TEKT5: variants seen among roughly 807,000 people sequenced by gnomAD.
TEKT5 encodes the protein tektin 5.
In TEKT5, 52 loss-of-function variants were observed where a neutral mutation model predicts 48.7. The observed-to-expected ratio is 1.07, with a 90% confidence interval of 0.86 to 1.35. The LOEUF (loss-of-function observed/expected upper bound fraction) is 1.35. Among genes scored for constraint, TEKT5 ranks in the 40% most tolerant of loss-of-function variants. The pLI, the probability that TEKT5 is intolerant of heterozygous loss-of-function variation, is 0.00. For synonymous variants in TEKT5, 318 were observed against 267.6 expected (o/e 1.19, Z -1.84); for missense variants, 831 against 641.6 (o/e 1.30, Z -3.19).
intron 4 of TEKT5, 152 bp downstream of exon 4, chr16:10,681,841 G>A: frequency 9.4e-7 from 1 of 1,067,182 alleles, no homozygotes; most frequent in East Asian, 2.4e-5. Context: ...ACCCGACTTG[G>A]ATTCTGCCGC....
chr16:10,668,247 T>C (rs763061154), intron 5 of TEKT5, among the ~76,000 whole-genome samples: 2 of 152,314 alleles, frequency 1.3e-5, no homozygotes, highest in South Asian at 4.1e-4. Flanking sequence ...TGAGGCCTGA[T>C]GCCTTTGTTA....
At chr16:10,658,167 G>A (rs149583534) in intron 5 of TEKT5, among the ~76,000 whole-genome samples, 1 of 152,152 alleles carries the variant, frequency 6.6e-6, no homozygotes, top group African/African-American at 2.4e-5. Context: ...ATATGCGGCT[G>A]GTGGAAGTCA....
intron 5 of TEKT5, among the ~76,000 whole-genome samples, chr16:10,664,373 A>C (rs148386114): frequency 6.6e-6 from 1 of 152,212 alleles, no homozygotes; most frequent in Non-Finnish European, 1.5e-5. Flanking sequence ...GCTAGACCCC[A>C]CTGGCAGACT....
At chr16:10,641,300 G>C (rs1897991872) in intron 5 of TEKT5, among the ~76,000 whole-genome samples, 1 of 152,094 alleles carries the variant, frequency 6.6e-6, no homozygotes, top group Non-Finnish European at 1.5e-5. Context: ...GGGCCTGAGG[G>C]GTGAGCATCA....
At chr16:10,657,723 G>A (rs1898286142) in intron 5 of TEKT5, among the ~76,000 whole-genome samples, 1 of 151,166 alleles carries the variant, frequency 6.6e-6, no homozygotes, top group Non-Finnish European at 1.5e-5. Flanking sequence ...CTGAGTAGCT[G>A]GGACTACAGG....
chr16:10,636,304 G>A (rs952368316), intron 5 of TEKT5, among the ~76,000 whole-genome samples: 2 of 152,084 alleles, frequency 1.3e-5, no homozygotes, highest in Admixed American at 6.6e-5. Context: ...GAACCCGGGA[G>A]GCGGAGGTTG....
chr16:10,673,344 G>C (rs941985730), intron 5 of TEKT5, among the ~76,000 whole-genome samples: 1 of 152,254 alleles, frequency 6.6e-6, no homozygotes, highest in African/African-American at 2.4e-5. Context: ...TTTTTGTACA[G>C]ATTGTCCACG....
chr16:10,652,862 CACACACA>C (rs1898190885), intron 5 of TEKT5, among the ~76,000 whole-genome samples: 1 of 149,050 alleles, frequency 6.7e-6, no homozygotes, highest in Non-Finnish European at 1.5e-5. Flanking sequence ...CACACACACA[CACACACA>C]CCCTCCAGGT....
rs755511541 is a variant in TEKT5, at chr16:10,694,837, A to G, written c.37T>C (p.Cys13Arg). The change falls in exon 1 of 7, where the codon TGT (cysteine) becomes CGT (arginine). Residue 13 changes from cysteine to arginine, a missense_variant. Physicochemically the swap from Cys to Arg is radical, Grantham distance 180. Transcript: ENST00000283025. ...AAGCCACAGCATTTCTTGGGACCAC[A>G]GTAACTGGCGGTCTGAGTAGTCCCA... is the stretch of plus-strand genomic sequence containing the variant. ...FLGTTQTASY[C>R]GPKKCCGLTS... 9.4e-6 allele frequency: 15 copies of G among 1,595,972 alleles called. No individual in the cohort carries two copies. The highest frequency in any genetic ancestry group is 2.7e-5 in the African/African-American group (2 of 74,552).
intron 4 of TEKT5, among the ~76,000 whole-genome samples, chr16:10,676,944 G>C (rs1898657070): frequency 1.5e-5 from 2 of 131,938 alleles, no homozygotes; most frequent in African/African-American, 3.0e-5. Flanking sequence ...AGCACACTGG[G>C]AGGCCAAGGC....
chr16:10,656,297 G>T (rs1325835882), intron 5 of TEKT5, among the ~76,000 whole-genome samples: 1 of 152,128 alleles, frequency 6.6e-6, no homozygotes, highest in East Asian at 1.9e-4. Context: ...CATCACCTAG[G>T]CTGGAATGCA....
rs750759691 is a variant in TEKT5 at position 10,635,946 on chromosome 16, C to T, written c.1087-28G>A. 4 of 1,609,942 alleles carry T rather than the reference C, an allele frequency of 2.5e-6. No individual in the cohort carries two copies. The South Asian group carries it at 4.4e-5, about 18-fold the overall frequency. The stretch of plus-strand genomic sequence containing the variant: ...GCGAGGGAACACACAGGTGTCACCA[C>T]CCACCAGGCCCTTCTGACCTCCTCT... On this transcript the variant is annotated intron_variant, in intron 5 of 6. Coordinates refer to ENST00000283025, the MANE Select transcript of TEKT5 (RefSeq NM_144674.2).
At chr16:10,638,528 A>G (rs1452800178) in intron 5 of TEKT5, among the ~76,000 whole-genome samples, 4 of 152,234 alleles carry the variant, frequency 2.6e-5, no homozygotes, top group African/African-American at 7.2e-5. Context: ...ATGGCCTTCA[A>G]TGATCAGAAG....
At chr16:10,652,640 ACC>A (rs1555465687) in intron 5 of TEKT5, among the ~76,000 whole-genome samples, 1 of 37,878 alleles carries the variant, frequency 2.6e-5, no homozygotes, top group Admixed American at 2.8e-4. Flanking sequence ...ACACACACAC[ACC>A]CTCCAGGCCA....
At chr16:10,668,983 C>T (rs1898507931) in intron 5 of TEKT5, among the ~76,000 whole-genome samples, 1 of 152,188 alleles carries the variant, frequency 6.6e-6, no homozygotes, top group South Asian at 2.1e-4. Context: ...CCTGTAGAAA[C>T]ATGAGCTCTG....
intron 5 of TEKT5, among the ~76,000 whole-genome samples, chr16:10,660,540 G>A (rs1230490839): frequency 1.3e-5 from 2 of 152,026 alleles, no homozygotes; most frequent in Non-Finnish European, 2.9e-5. Flanking sequence ...TCCTCATCCG[G>A]GAGACAGAGA....
chr16:10,655,157 C>G lies in TEKT5; in HGVS notation c.1087-19239G>C, dbSNP rs558400642. Among the ~76,000 whole-genome samples the G allele has an allele frequency of 9.9e-5, 15 of 152,260 alleles. No individual in the cohort carries two copies. In the South Asian group the frequency reaches 2.9e-3, roughly 29 times the overall value. ...GAGGACTACATTTATCCTTCAAGAACTGTTGTCTCTTTTACATACACACAC... is the reference window on the plus strand; with the variant it reads ...GAGGACTACATTTATCCTTCAAGAAGTGTTGTCTCTTTTACATACACACAC... On this transcript the variant is annotated intron_variant, in intron 5 of 6. Coordinates refer to ENST00000283025, the MANE Select transcript of TEKT5 (RefSeq NM_144674.2).
chr16:10,636,918 G>A (rs1028580319), intron 5 of TEKT5, among the ~76,000 whole-genome samples: 1 of 151,092 alleles, frequency 6.6e-6, no homozygotes, highest in Non-Finnish European at 1.5e-5. Flanking sequence ...CCAAGTTCAA[G>A]TGATTCTCCT....
At chr16:10,641,370 C>T (rs974688376) in intron 5 of TEKT5, among the ~76,000 whole-genome samples, 2 of 152,146 alleles carry the variant, frequency 1.3e-5, no homozygotes, top group Non-Finnish European at 2.9e-5. Context: ...GGTCCCCAAG[C>T]ACCAGCCACT....
Sources: gnomAD v4.1 joint callset for allele counts (sites outside exome capture counted in the v4.1 genomes callset) on GRCh38, gnomAD v4.1.1 for gene constraint, MANE v1.5 for transcripts, NCBI Gene and HGNC (gene_info 2026-07-23, HGNC 2026-07-21) for gene names.